Variants in ARVCF observed in about 807,000 individuals in gnomAD.
ARVCF encodes the protein ARVCF delta catenin family member.
A neutral mutation model predicts 90.9 loss-of-function variants in ARVCF; 66 were observed. That is an observed-to-expected ratio of 0.73 (90% CI 0.60 to 0.89). ARVCF has a LOEUF of 0.89. Ranked by LOEUF, ARVCF falls within the 40% of genes least tolerant of loss-of-function variation. The probability of loss-of-function intolerance (pLI) is 0.00; values close to 1 mark genes in which losing one functional copy is unlikely to be tolerated. For synonymous variants in ARVCF, 653 were observed against 603.4 expected (o/e 1.08, Z -1.21); for missense variants, 1,469 against 1,382.3 (o/e 1.06, Z -1.00).
intron 1 of ARVCF, among the ~76,000 whole-genome samples, chr22:20,012,293 T>C (rs1944866009): frequency 6.6e-6 from 1 of 152,182 alleles, no homozygotes; most frequent in Non-Finnish European, 1.5e-5. Flanking sequence ...CACAGGAGGC[T>C]GAGTGGTAGG....
chr22:20,014,709 G>T (rs528233419), intron 1 of ARVCF, among the ~76,000 whole-genome samples: 1 of 152,172 alleles, frequency 6.6e-6, no homozygotes. Context: ...AGGGCCAGGC[G>T]GGGAGCACGA....
chr22:19,980,150 C>A lies in ARVCF; in HGVS notation c.989G>T (p.Arg330Leu), dbSNP rs185461067. The A allele has an allele frequency of 1.9e-6, 3 of 1,590,080 alleles. No homozygotes were observed. The highest frequency in any genetic ancestry group is 1.7e-6 in the Non-Finnish European group (2 of 1,170,350). Residue 330 changes from arginine to leucine, a missense_variant, in exon 6 of 20, where the codon CGG (arginine) becomes CTG (leucine). Coordinates refer to ENST00000263207, the MANE Select transcript of ARVCF (RefSeq NM_001670.3). ...CCGGTCCAGGCTGCCCATGCTGCCC[C>A]GTTCAGGCTGGGCCAGGGGCGCCGT... ...MVTAPLAQPERGSMGSLDRLV... is the reference protein window; with the variant it reads ...MVTAPLAQPELGSMGSLDRLV...
intron 3 of ARVCF, 104 bp from the exon 4 acceptor site, chr22:19,982,195 C>G: frequency 1.4e-6 from 2 of 1,474,578 alleles, no homozygotes; most frequent in Non-Finnish European, 1.8e-6. Flanking sequence ...CTGGCCAGCA[C>G]ACCAGGGTGC....
rs150687680 is a variant in ARVCF at position 19,977,976 on chromosome 22, C to G, written c.1680G>C (p.Arg560=). 16 of 1,609,446 alleles carry G rather than the reference C, an allele frequency of 9.9e-6. No individual in the cohort carries two copies. Among genetic ancestry groups the G allele is most frequent in the East Asian group, 2.2e-5 (1 of 44,786 alleles). ...TGCCCACCTTGTTGTCAGTGTCCTT[C>G]CGGCCCACAGCCGACTGCAGGGCAT... ...LLHALQSAVG[R]KDTDNKSVEN... is the part of the protein sequence containing the mutation. Residue 560 remains arginine (R), a synonymous_variant, in exon 8 of 20, where the codon CGG becomes CGC. Transcript: ENST00000263207.
At chr22:19,975,195 T>C (rs571693504) in intron 11 of ARVCF, among the ~76,000 whole-genome samples, 1 of 152,294 alleles carries the variant, frequency 6.6e-6, no homozygotes, top group East Asian at 1.9e-4. Context: ...TCCAACTGGC[T>C]AGGCCCCACC....
intron 2 of ARVCF, among the ~76,000 whole-genome samples, chr22:20,006,863 C>T (rs1601678633): frequency 6.6e-6 from 1 of 151,766 alleles, no homozygotes; most frequent in African/African-American, 2.4e-5. Context: ...ATCTCTTGAC[C>T]TCGTGATCTG....
chr22:19,981,173 C>G, intron 5 of ARVCF, 38 bp downstream of exon 5: 1 of 1,483,654 alleles, frequency 6.7e-7, no homozygotes, highest in Non-Finnish European at 9.0e-7. Flanking sequence ...GGCAGACTTC[C>G]CAGAGGAGGT....
intron 13 of ARVCF, 53 bp downstream of exon 13, chr22:19,973,588 CCA>C: frequency 3.8e-6 from 6 of 1,560,408 alleles, no homozygotes; most frequent in Non-Finnish European, 5.2e-6. Flanking sequence ...CGATGGGACC[CCA>C]AAGCTGCAGG....
At chr22:20,006,956 A>C (rs182619746) in intron 2 of ARVCF, among the ~76,000 whole-genome samples, 11 of 152,118 alleles carry the variant, frequency 7.2e-5, no homozygotes, top group Admixed American at 2.0e-4. Flanking sequence ...ATAGTATATC[A>C]AAGGTAAAAA....
chr22:19,987,186 T>G, intron 3 of ARVCF: 1 of 410,604 alleles, frequency 2.4e-6, no homozygotes, highest in South Asian at 6.4e-5. Context: ...GGGCTCAGGC[T>G]CGGCGGACTC....
chr22:20,002,336 G>A (rs1012279839), intron 2 of ARVCF, among the ~76,000 whole-genome samples: 3 of 152,212 alleles, frequency 2.0e-5, no homozygotes, highest in Non-Finnish European at 2.9e-5. Context: ...ATACCAGGCC[G>A]TCTGCAGGCC....
chr22:20,007,150 G>A (rs915405015), intron 2 of ARVCF, among the ~76,000 whole-genome samples: 1 of 152,102 alleles, frequency 6.6e-6, no homozygotes, highest in Non-Finnish European at 1.5e-5. Context: ...TGTAATCCCA[G>A]CACTTTGGGA....
intron 3 of ARVCF, chr22:19,987,209 G>T: frequency 2.6e-6 from 1 of 383,480 alleles, no homozygotes; most frequent in East Asian, 3.8e-5. Context: ...TCCCCGCGGG[G>T]GCGGATCTGG....
Position 19,981,689 on chromosome 22 carries a change from G to A in ARVCF, c.418C>T (p.Pro140Ser). The A allele has an allele frequency of 1.2e-6, 2 of 1,600,176 alleles. No individual in the cohort carries two copies. The highest frequency in any genetic ancestry group is 1.1e-5 in the South Asian group (1 of 89,044). The change falls in exon 5 of 20, where the codon CCC (proline) becomes TCC (serine). Residue 140 changes from proline to serine, a missense_variant. By Grantham distance (74) the Pro-to-Ser change is moderately conservative (BLOSUM62 -1). Transcript: ENST00000263207. Reference protein sequence around the residue: ...TVTTRTVRQVPVGPDGLPLLD... With the variant: ...TVTTRTVRQVSVGPDGLPLLD... ...AGGGGGAGTCCATCTGGGCCCACGG[G>A]CACCTGGCGTACTGTCCGAGTGGTC...
intron 3 of ARVCF, among the ~76,000 whole-genome samples, chr22:19,989,041 T>C (rs1185737539): frequency 6.6e-6 from 1 of 152,138 alleles, no homozygotes; most frequent in Non-Finnish European, 1.5e-5. Context: ...AGTTCCGGTC[T>C]GGGAGGGTTG....
intron 17 of ARVCF, 29 bp from the exon 18 acceptor site, chr22:19,972,000 G>A (rs755596040): frequency 1.3e-6 from 2 of 1,579,768 alleles, no homozygotes; most frequent in Non-Finnish European, 1.7e-6. Context: ...GGGGCATGAG[G>A]GGCGCTCTGA....
intron 2 of ARVCF, among the ~76,000 whole-genome samples, chr22:20,007,530 G>A (rs1174570799): frequency 2.0e-5 from 3 of 152,232 alleles, no homozygotes; most frequent in Non-Finnish European, 4.4e-5. Flanking sequence ...CAAAGTTCAC[G>A]TGTTGGAAAC....
chr22:19,996,836 C>G (rs1319602583), intron 2 of ARVCF, among the ~76,000 whole-genome samples: 2 of 152,158 alleles, frequency 1.3e-5, no homozygotes, highest in African/African-American at 2.4e-5. Flanking sequence ...CAGATTCAGC[C>G]TGGAAATTTG....
At chr22:19,981,173 C>T (rs1409785188) in intron 5 of ARVCF, 38 bp downstream of exon 5, 2 of 1,483,654 alleles carry the variant, frequency 1.3e-6, no homozygotes, top group East Asian at 2.5e-5. Context: ...GGCAGACTTC[C>T]CAGAGGAGGT....
Sources: allele counts gnomAD v4.1 joint callset (sites outside exome capture counted in the v4.1 genomes callset), GRCh38; gene constraint gnomAD v4.1.1; transcripts MANE v1.5; gene names NCBI Gene and HGNC (gene_info 2026-07-23, HGNC 2026-07-21).